The following RFX4 variants were observed in gnomAD, a reference collection of about 807,000 sequenced individuals.
RFX4 encodes the protein regulatory factor X4.
RFX4 carries 10 observed loss-of-function variants against 95.0 expected under a neutral mutation model. The observed-to-expected ratio is 0.11, with a 90% CI of 0.06 to 0.18. The LOEUF is 0.18. Among genes scored for constraint, RFX4 ranks in the 10% least tolerant of loss-of-function variants. RFX4 has a pLI of 1.00. For missense variants in RFX4, 640 were observed against 922.0 expected, an observed-to-expected ratio of 0.69 and a Z score of 3.96; for synonymous variants, 321 against 340.7, an observed-to-expected ratio of 0.94 and a Z score of 0.64.
intron 3 of RFX4, chr12:106,645,734 C>T (rs376702506): frequency 1.0e-5 from 4 of 389,542 alleles, no homozygotes; most frequent in South Asian, 2.0e-5. Context: ...TGGATGTAAC[C>T]GATAACTGAC....
At chr12:106,749,656 G>GA (rs1422132120) in intron 16 of RFX4, among the ~76,000 whole-genome samples, 1 of 152,104 alleles carries the variant, frequency 6.6e-6, no homozygotes, top group African/African-American at 2.4e-5. Context: ...ATTTTACTAA[G>GA]AAGAACAGTG....
chr12:106,622,221 T>C (rs2040199943), intron 2 of RFX4, among the ~76,000 whole-genome samples: 1 of 152,076 alleles, frequency 6.6e-6, no homozygotes, highest in Admixed American at 6.6e-5. Context: ...ACAAAGATTA[T>C]ATTTTAAAAA....
intron 4 of RFX4, among the ~76,000 whole-genome samples, chr12:106,656,355 G>A (rs898950551): frequency 6.6e-6 from 1 of 152,180 alleles, no homozygotes; most frequent in African/African-American, 2.4e-5. Flanking sequence ...AGAATGAAAC[G>A]TTCCCAGCAT....
At chr12:106,613,158 A>G (rs550256273) in intron 2 of RFX4, among the ~76,000 whole-genome samples, 1 of 151,442 alleles carries the variant, frequency 6.6e-6, no homozygotes, top group East Asian at 2.0e-4. Flanking sequence ...CTTTTTCTGC[A>G]TCAGTTGAGA....
rs556773805 is a variant in RFX4 at position 106,657,918 on chromosome 12, C to T, written c.315+3567C>T. Among the ~76,000 whole-genome samples, 7 of 152,118 alleles carry T rather than the reference C, an allele frequency of 4.6e-5. No individual in the cohort carries two copies. In the East Asian group the frequency reaches 1.4e-3, roughly 29 times the overall value. On this transcript the variant is annotated intron_variant, in intron 4 of 17. Coordinates refer to ENST00000392842, the MANE Select transcript of RFX4 (RefSeq NM_213594.3). ...TTTCTCTCTATATATAGATATATAGCTAACTTTCCCTACTGCTACTCTATG... is the reference window on the plus strand; with the variant it reads ...TTTCTCTCTATATATAGATATATAGTTAACTTTCCCTACTGCTACTCTATG...
chr12:106,699,527 T>C (rs76142729), intron 8 of RFX4, among the ~76,000 whole-genome samples: 19 of 152,288 alleles, frequency 1.2e-4, no homozygotes, highest in African/African-American at 4.3e-4. Context: ...TAATTGTGAA[T>C]TTGTCTATTT....
intron 4 of RFX4, among the ~76,000 whole-genome samples, chr12:106,677,822 G>C (rs1362697342): frequency 1.3e-5 from 2 of 152,126 alleles, no homozygotes; most frequent in African/African-American, 2.4e-5. Context: ...GACTAGTGCA[G>C]TAGTGGGGGT....
chr12:106,603,187 A>T (rs1171113807), intron 1 of RFX4, among the ~76,000 whole-genome samples: 1 of 152,210 alleles, frequency 6.6e-6, no homozygotes, highest in Non-Finnish European at 1.5e-5. Flanking sequence ...AACCGTCTTA[A>T]TAGGCCCTCC....
At chr12:106,591,826 T>C (rs2039551974) in intron 1 of RFX4, among the ~76,000 whole-genome samples, 1 of 152,206 alleles carries the variant, frequency 6.6e-6, no homozygotes, top group African/African-American at 2.4e-5. Context: ...AAACAATATA[T>C]TGCATCTAGA....
In RFX4 at chr12:106,761,494, A is replaced by C. The variant is rs767223961; in HGVS notation, c.*25A>C. The C allele has an allele frequency of 4.1e-5, 56 of 1,365,574 alleles. No homozygotes were observed. Among genetic ancestry groups the C allele is most frequent in the Non-Finnish European group, 5.3e-5 (56 of 1,049,010 alleles). The allele number at this position is 1,365,574 out of a possible 1,614,324, so 84.6% of individuals were successfully genotyped here. On this transcript the variant is annotated 3_prime_UTR_variant, in exon 18 of 18. Coordinates refer to ENST00000392842, the MANE Select transcript of RFX4 (RefSeq NM_213594.3). ...ACTGCTATCATAGGCATCCATATTT[A>C]ATATTAATAATAATAATTAATAATA... is the stretch of plus-strand genomic sequence containing the variant.
intron 8 of RFX4, among the ~76,000 whole-genome samples, chr12:106,704,267 C>T (rs569204911): frequency 8.5e-5 from 13 of 152,206 alleles, no homozygotes; most frequent in Admixed American, 2.0e-4. Context: ...GATAAGCATG[C>T]TCCCTGCTCT....
intron 2 of RFX4, among the ~76,000 whole-genome samples, chr12:106,625,808 C>A (rs767607051): frequency 2.0e-5 from 3 of 152,196 alleles, no homozygotes; most frequent in Non-Finnish European, 4.4e-5. Context: ...ACCATGATTT[C>A]TTTTAATCCT....
intron 4 of RFX4, among the ~76,000 whole-genome samples, chr12:106,674,592 A>C (rs1186002646): frequency 1.3e-5 from 2 of 150,928 alleles, no homozygotes; most frequent in Non-Finnish European, 3.0e-5. Context: ...ACCCTCCCAA[A>C]GTGTTGGGAT....
At chr12:106,639,612 T>C (rs1292162011) in intron 3 of RFX4, among the ~76,000 whole-genome samples, 6 of 152,238 alleles carry the variant, frequency 3.9e-5, no homozygotes, top group African/African-American at 1.2e-4. Context: ...AGATGTTTTT[T>C]CTGTTATCCA....
chr12:106,734,687 C>A (rs575641741), intron 15 of RFX4, among the ~76,000 whole-genome samples: 4 of 151,980 alleles, frequency 2.6e-5, no homozygotes, highest in African/African-American at 7.2e-5. Flanking sequence ...GGAGGAACAA[C>A]AAACTTAAGA....
intron 4 of RFX4, among the ~76,000 whole-genome samples, chr12:106,659,907 C>T (rs2217076): frequency 0.37 from 56,942 of 151,954 alleles, 10,825 homozygotes; most frequent in African/African-American, 0.43. Flanking sequence ...GACTTTGTTG[C>T]AGTCATTAGT....
At chr12:106,609,707 A>C (rs766917284) in intron 2 of RFX4, among the ~76,000 whole-genome samples, 12 of 152,224 alleles carry the variant, frequency 7.9e-5, no homozygotes, top group Non-Finnish European at 1.3e-4. Context: ...CATTGAACAT[A>C]AAGTATACAA....
intron 5 of RFX4, among the ~76,000 whole-genome samples, chr12:106,686,525 G>T (rs1371283043): frequency 6.6e-6 from 1 of 152,144 alleles, no homozygotes; most frequent in Non-Finnish European, 1.5e-5. Context: ...GGTCCCCACA[G>T]AGAAGGGACC....
intron 1 of RFX4, among the ~76,000 whole-genome samples, chr12:106,596,438 T>C (rs1325025494): frequency 6.6e-6 from 1 of 152,196 alleles, no homozygotes; most frequent in African/African-American, 2.4e-5. Flanking sequence ...GTCTCAGGTA[T>C]GTCTTTATCA....
Sources: gnomAD v4.1 joint callset for allele counts (sites outside exome capture counted in the v4.1 genomes callset) on GRCh38, gnomAD v4.1.1 for gene constraint, MANE v1.5 for transcripts, NCBI Gene and HGNC (gene_info 2026-07-23, HGNC 2026-07-21) for gene names.